GLIPR2: variants seen among roughly 807,000 people sequenced by gnomAD.
GLIPR2 encodes the protein Golgi-associated plant pathogenesis-related protein 1.
GLIPR2 carries 21 observed loss-of-function variants against 20.4 expected under a neutral mutation model. The ratio of observed to expected loss-of-function variants is 1.03; its 90% CI spans 0.73 to 1.48. GLIPR2 has a LOEUF of 1.48. Among genes scored for constraint, GLIPR2 ranks in the 40% most tolerant of loss-of-function variants. The pLI is 0.00. For missense variants in GLIPR2, 205 were observed against 200.1 expected, an observed-to-expected ratio of 1.02 and a Z score of -0.15; for synonymous variants, 91 against 80.5, an observed-to-expected ratio of 1.13 and a Z score of -0.70.
At chr9:36,151,003 G>T in intron 4 of GLIPR2, 54 bp downstream of exon 4, 1 of 1,223,406 alleles carries the variant, frequency 8.2e-7, no homozygotes, top group African/African-American at 1.5e-5. Flanking sequence ...TGCAGGTTGG[G>T]TGTCTGACTT....
At chr9:36,141,799 G>T (rs957301258) in intron 1 of GLIPR2, 2 of 454,720 alleles carry the variant, frequency 4.4e-6, no homozygotes, top group African/African-American at 4.0e-5. Flanking sequence ...GACCACAGGC[G>T]TGGGTCACCA....
chr9:36,141,487 C>A (rs1825077726), intron 1 of GLIPR2, among the ~76,000 whole-genome samples: 1 of 152,178 alleles, frequency 6.6e-6, no homozygotes, highest in South Asian at 2.1e-4. Context: ...CAATTCCTGC[C>A]CTGGGCCCTG....
intron 4 of GLIPR2, among the ~76,000 whole-genome samples, chr9:36,153,040 A>T (rs1825668592): frequency 6.7e-6 from 1 of 148,958 alleles, no homozygotes; most frequent in African/African-American, 2.5e-5. Context: ...AAGCAGGAGA[A>T]TCACTTGAAT....
chr9:36,156,451 T>C (rs1050743071), intron 4 of GLIPR2, among the ~76,000 whole-genome samples: 2 of 150,914 alleles, frequency 1.3e-5, no homozygotes, highest in African/African-American at 4.9e-5. Context: ...AAATTTACCA[T>C]TTTAACCATT....
Position 36,162,549 on chromosome 9 carries a change from A to C in GLIPR2, c.*27A>C. ...TTGTTAAATGTAATGGGAAGGTGGCAGACTTAAGAACGTGGATATGAAGTG... is the reference window on the plus strand; with the variant it reads ...TTGTTAAATGTAATGGGAAGGTGGCCGACTTAAGAACGTGGATATGAAGTG... On this transcript the variant is annotated 3_prime_UTR_variant, in exon 5 of 5. Coordinates refer to ENST00000377960, the MANE Select transcript of GLIPR2 (RefSeq NM_022343.4). 6.2e-7 allele frequency: 1 copy of C among 1,612,150 alleles called. No individual in the cohort carries two copies. The highest frequency in any genetic ancestry group is 8.5e-7 in the Non-Finnish European group (1 of 1,178,940).
intron 4 of GLIPR2, among the ~76,000 whole-genome samples, chr9:36,156,108 G>T (rs1388944288): frequency 1.3e-5 from 2 of 152,152 alleles, no homozygotes; most frequent in Admixed American, 1.3e-4. Flanking sequence ...TACTTGGGAG[G>T]CTGAGGCACA....
In GLIPR2 at chr9:36,162,081, A is replaced by AAG. The variant is rs1316316636; in HGVS notation, c.305-281_305-280insAG. On this transcript the variant is annotated intron_variant, in intron 4 of 4. Coordinates refer to ENST00000377960, the MANE Select transcript of GLIPR2 (RefSeq NM_022343.4). Reference sequence around the variant, plus strand: ...TCCCAGCTACTTGGGAGGCTGAGGCAGGAGAATCACTCGAACCCAGGAGGT... The same window carrying AAG: ...TCCCAGCTACTTGGGAGGCTGAGGCAAGGGAGAATCACTCGAACCCAGGAGGT... Among the ~76,000 whole-genome samples the AAG allele has an allele frequency of 1.4e-4, 21 of 152,290 alleles. No homozygotes were observed. The South Asian group carries it at 4.1e-3, about 30-fold the overall frequency.
chr9:36,162,941 ATAAT>A lies in GLIPR2; in HGVS notation c.*423_*426del. The A allele has an allele frequency of 2.2e-6, 1 of 453,576 alleles. No homozygotes were observed. Among genetic ancestry groups the A allele is most frequent in the South Asian group, 1.6e-5 (1 of 62,900 alleles). The allele number at this position is 453,576 out of a possible 1,614,324, so 28.1% of individuals were successfully genotyped here. ...ATGCGTCGTAATCTACTTTTGGTAGATAATTAAGATTATTAAACCCTCATTTAAA... is the reference window on the plus strand; with the variant it reads ...ATGCGTCGTAATCTACTTTTGGTAGATAAGATTATTAAACCCTCATTTAAA... On this transcript the variant is annotated 3_prime_UTR_variant, in exon 5 of 5. Coordinates refer to ENST00000377960, the MANE Select transcript of GLIPR2 (RefSeq NM_022343.4).
intron 4 of GLIPR2, among the ~76,000 whole-genome samples, chr9:36,160,887 C>CA (rs1826024685): frequency 1.3e-5 from 2 of 151,468 alleles, no homozygotes; most frequent in South Asian, 2.1e-4. Context: ...ACTAAAAATA[C>CA]AAAAAAATAG....
chr9:36,142,278 G>T (rs891954333), intron 1 of GLIPR2, among the ~76,000 whole-genome samples: 1 of 152,072 alleles, frequency 6.6e-6, no homozygotes, highest in Non-Finnish European at 1.5e-5. Flanking sequence ...TCAGTCACCC[G>T]CTGCCTCTTT....
At chr9:36,141,419 C>T (rs769708594) in intron 1 of GLIPR2, among the ~76,000 whole-genome samples, 17 of 150,980 alleles carry the variant, frequency 1.1e-4, no homozygotes, top group Admixed American at 5.3e-4. Flanking sequence ...AGCTTTGCCC[C>T]GAAGGCAGAA....
At chr9:36,154,370 C>G (rs1825738296) in intron 4 of GLIPR2, among the ~76,000 whole-genome samples, 1 of 152,146 alleles carries the variant, frequency 6.6e-6, no homozygotes, top group African/African-American at 2.4e-5. Context: ...CCTGTGCTTA[C>G]ACCAGCATGT....
intron 1 of GLIPR2, among the ~76,000 whole-genome samples, chr9:36,141,413 T>A (rs2132712855): frequency 6.6e-6 from 1 of 151,816 alleles, no homozygotes. Context: ...AAAACCAGCT[T>A]TGCCCCGAAG....
Position 36,162,831 on chromosome 9 carries a change from TCTTA to T in GLIPR2, c.*313_*316del, listed in dbSNP as rs775676105. On this transcript the variant is annotated 3_prime_UTR_variant, in exon 5 of 5. Transcript: ENST00000377960. Reference sequence around the variant, plus strand: ...TCTAAGCAAACCTCTTTTGTACTTTTCTTACTTCTAATATCCATCCCTGGACTTT... The same window carrying T: ...TCTAAGCAAACCTCTTTTGTACTTTTCTTCTAATATCCATCCCTGGACTTT... The T allele has an allele frequency of 4.9e-4, 230 of 473,116 alleles. 1 individual carries two copies. Among genetic ancestry groups the T allele is most frequent in the Non-Finnish European group, 7.2e-4 (181 of 251,256 alleles). 29.3% of individuals were successfully genotyped at this position (473,116 alleles called of 1,614,324 possible).
chr9:36,156,317 T>C (rs1250871600), intron 4 of GLIPR2, among the ~76,000 whole-genome samples: 3 of 141,286 alleles, frequency 2.1e-5, no homozygotes, highest in African/African-American at 8.0e-5. Context: ...AGTCAAGGAG[T>C]TGGAGGTTGC....
At chr9:36,156,456 A>G (rs886804825) in intron 4 of GLIPR2, among the ~76,000 whole-genome samples, 1 of 151,898 alleles carries the variant, frequency 6.6e-6, no homozygotes, top group African/African-American at 2.4e-5. Flanking sequence ...TACCATTTTA[A>G]CCATTTTAGG....
At chr9:36,141,447 C>T (rs1244044449) in intron 1 of GLIPR2, among the ~76,000 whole-genome samples, 1 of 71,198 alleles carries the variant, frequency 1.4e-5, no homozygotes, top group African/African-American at 5.0e-5. Flanking sequence ...GCTTTCCAGC[C>T]TTTTGCCAAG....
intron 4 of GLIPR2, among the ~76,000 whole-genome samples, chr9:36,159,184 G>C (rs1216925308): frequency 6.6e-6 from 1 of 152,232 alleles, no homozygotes; most frequent in Non-Finnish European, 1.5e-5. Context: ...GGACAAGCGA[G>C]TGAAGGACAG....
chr9:36,156,843 C>T (rs958411891), intron 4 of GLIPR2, among the ~76,000 whole-genome samples: 1 of 152,090 alleles, frequency 6.6e-6, no homozygotes, highest in Non-Finnish European at 1.5e-5. Flanking sequence ...CCATCTCCAC[C>T]CCACCCCAAC....
Sources: allele counts gnomAD v4.1 joint callset (sites outside exome capture counted in the v4.1 genomes callset), GRCh38; gene constraint gnomAD v4.1.1; transcripts MANE v1.5; gene names NCBI Gene and HGNC (gene_info 2026-07-23, HGNC 2026-07-21).